The following METTL22 variants were observed in gnomAD, a reference collection of about 807,000 sequenced individuals.
METTL22 encodes the protein methyltransferase-like protein 22.
METTL22 carries 51 observed loss-of-function variants against 48.4 expected under a neutral mutation model. The observed-to-expected ratio is 1.05, with a 90% CI of 0.84 to 1.33. The LOEUF (loss-of-function observed/expected upper bound fraction) is 1.33, where lower values mean the gene tolerates loss of function less well. Among genes scored for constraint, METTL22 ranks in the 40% most tolerant of loss-of-function variants. METTL22 has a pLI of 0.00. For missense variants in METTL22, 678 were observed against 526.9 expected (o/e 1.29, Z -2.81); for synonymous variants, 255 against 214.1 (o/e 1.19, Z -1.67).
chr16:8,634,165 G>T (rs1164725250), intron 3 of METTL22, among the ~76,000 whole-genome samples: 1 of 152,182 alleles, frequency 6.6e-6, no homozygotes, highest in Non-Finnish European at 1.5e-5. Flanking sequence ...CTGCCCATAG[G>T]GCTGAAATCT....
rs1365247808 is a variant in METTL22, at chr16:8,621,699, G to A, written c.-247G>A. ...GCGGGGGCGGGGCCGCGCCTGCGCA[G>A]ACCGCCTGTTATGGCGGCCGCCTAA... On this transcript the variant is annotated 5_prime_UTR_variant, in exon 1 of 11. Transcript: ENST00000381920. 5 of 152,384 alleles carry A rather than the reference G, an allele frequency of 3.3e-5. No individual in the cohort carries two copies. Among genetic ancestry groups the A allele is most frequent in the East Asian group, 3.9e-4 (2 of 5,174 alleles). The allele number at this position is 152,384 out of a possible 1,614,324, so 9.4% of individuals were successfully genotyped here.
At chr16:8,656,962 C>T in the METTL22 span, among the ~76,000 whole-genome samples, 1 of 152,164 alleles carries the variant, frequency 6.6e-6, no homozygotes, top group Non-Finnish European at 1.5e-5. Context: ...TATAAGGAAC[C>T]CACTCCCGAG....
rs1315701909 is a variant in METTL22 at position 8,641,112 on chromosome 16, T to C, written c.773-19T>C. On this transcript the variant is annotated intron_variant, in intron 6 of 10. Transcript: ENST00000381920. ...GATGTTTAGAGTTTGGAAAGTTCTC[T>C]TTTTGTTTGTTTTTACAGGTGGTAT... The C allele has an allele frequency of 4.3e-6, 7 of 1,613,174 alleles. No individual in the cohort carries two copies. Among genetic ancestry groups the C allele is most frequent in the Admixed American group, 1.7e-5 (1 of 59,994 alleles).
chr16:8,643,478 G>A (rs1442178803), intron 9 of METTL22, among the ~76,000 whole-genome samples: 1 of 152,252 alleles, frequency 6.6e-6, no homozygotes, highest in African/African-American at 2.4e-5. Flanking sequence ...CAGCTTCACA[G>A]AGGAAATGGG....
chr16:8,651,386 C>CAAAAAAAAAAAAA (rs768911703), downstream of METTL22, among the ~76,000 whole-genome samples: 1,173 of 48,944 alleles, frequency 0.024, 269 homozygotes, highest in African/African-American at 0.081. Flanking sequence ...GACTCTGTCT[C>CAAAAAAAAAAAAA]AAAAAAAAAA....
chr16:8,628,037 CA>C (rs2056120865), intron 2 of METTL22, among the ~76,000 whole-genome samples: 1 of 152,124 alleles, frequency 6.6e-6, no homozygotes, highest in African/African-American at 2.4e-5. Flanking sequence ...CATGCCCAGC[CA>C]AAAAACTTTT....
At position 8,643,148 on chromosome 16, in the gene METTL22, A is replaced by G. The variant is rs1596365556; in HGVS notation, c.1010+583A>G. Among the ~76,000 whole-genome samples, 7 of 152,346 alleles carry G rather than the reference A, an allele frequency of 4.6e-5. No homozygotes were observed. The South Asian group carries it at 1.4e-3, about 32-fold the overall frequency. On this transcript the variant is annotated intron_variant, in intron 9 of 10. Transcript: ENST00000381920. ...TGAAGATCGTTCGGAATCCACAGCA[A>G]AAGCTGTAAAACGAAACAGACTTCT...
the METTL22 span, among the ~76,000 whole-genome samples, chr16:8,657,222 A>G: frequency 1.3e-5 from 2 of 152,202 alleles, no homozygotes; most frequent in Admixed American, 1.3e-4. Context: ...TCACCCTCCA[A>G]GCTAGTCCAG....
chr16:8,635,716 AC>A (rs2056403401), intron 5 of METTL22, among the ~76,000 whole-genome samples: 1 of 152,234 alleles, frequency 6.6e-6, no homozygotes. Flanking sequence ...GGTTTTTAAA[AC>A]AGTACATAAA....
intron 5 of METTL22, among the ~76,000 whole-genome samples, chr16:8,635,923 T>G (rs552392432): frequency 1.3e-5 from 2 of 152,250 alleles, no homozygotes; most frequent in Non-Finnish European, 2.9e-5. Context: ...AGCACTGTAT[T>G]CTGCTGAAAA....
chr16:8,667,231 A>T, the METTL22 span: 4 of 151,868 alleles, frequency 2.6e-5, no homozygotes, highest in African/African-American at 4.8e-5. Flanking sequence ...CAAAATTTTT[A>T]TGTTAATAAA....
chr16:8,664,132 G>A, the METTL22 span, among the ~76,000 whole-genome samples: 10 of 151,174 alleles, frequency 6.6e-5, no homozygotes, highest in Non-Finnish European at 1.3e-4. Context: ...CTGTTTCCCA[G>A]GCTGAAGTGC....
chr16:8,628,030 G>C (rs2056120082), intron 2 of METTL22, among the ~76,000 whole-genome samples: 1 of 152,146 alleles, frequency 6.6e-6, no homozygotes, highest in Admixed American at 6.5e-5. Flanking sequence ...AAGCCACCAT[G>C]CCCAGCCAAA....
rs2056848197 is a variant in METTL22 at position 8,648,796 on chromosome 16, AGAAAAG to A, written c.*2654_*2659del. 1 of 152,058 alleles carries A rather than the reference AGAAAAG, an allele frequency of 6.6e-6. No homozygotes were observed. Among genetic ancestry groups the A allele is most frequent in the Admixed American group, 6.5e-5 (1 of 15,276 alleles). 9.4% of individuals were successfully genotyped at this position (152,058 alleles called of 1,614,324 possible). On this transcript the variant is annotated 3_prime_UTR_variant, in exon 11 of 11. Coordinates refer to ENST00000381920, the MANE Select transcript of METTL22 (RefSeq NM_024109.4). Reference sequence around the variant, plus strand: ...AGAGAGATCCTGTCTCCAAAAAAGAAGAAAAGTATCAAGCCTCAGCTCAGGACGTGA... The same window carrying A: ...AGAGAGATCCTGTCTCCAAAAAAGAATATCAAGCCTCAGCTCAGGACGTGA...
chr16:8,646,014 A>T, intron 10 of METTL22, 94 bp from the exon 11 acceptor site: 12 of 1,577,684 alleles, frequency 7.6e-6, no homozygotes, highest in African/African-American at 2.7e-5. Context: ...CGTGTTGTCT[A>T]ACTACTCTCC....
At chr16:8,621,899 CTT>C (rs556203687) in intron 1 of METTL22, 124 bp downstream of exon 1, 72 of 152,442 alleles carry the variant, frequency 4.7e-4, no homozygotes, top group African/African-American at 1.6e-3. Flanking sequence ...CGACCCCACT[CTT>C]AGCGTCAGTT....
the METTL22 span, among the ~76,000 whole-genome samples, chr16:8,659,548 C>A: frequency 6.6e-6 from 1 of 152,094 alleles, no homozygotes; most frequent in Non-Finnish European, 1.5e-5. Context: ...ACGAAGCCTA[C>A]ATTCTAGAGG....
chr16:8,653,704 A>C (rs2056928799), downstream of METTL22, among the ~76,000 whole-genome samples: 2 of 152,144 alleles, frequency 1.3e-5, no homozygotes, highest in Non-Finnish European at 1.5e-5. Context: ...TTAAAATCCA[A>C]CTTTATTCTA....
In METTL22 at chr16:8,641,587, T is replaced by G. The variant is rs1254318253; in HGVS notation, c.826+403T>G. The G allele has an allele frequency of 8.8e-6, 4 of 456,750 alleles. No individual in the cohort carries two copies. The East Asian group carries it at 1.9e-4, about 22-fold the overall frequency. The allele number at this position is 456,750 out of a possible 1,614,324, so 28.3% of individuals were successfully genotyped here. On this transcript the variant is annotated intron_variant, in intron 7 of 10. Transcript: ENST00000381920. The stretch of plus-strand genomic sequence containing the variant: ...CCCCCGGGTAGGACAGTTTCCATAT[T>G]TCTTACACAGACTACTTCAGACCTG...
Sources: allele counts gnomAD v4.1 joint callset (sites outside exome capture counted in the v4.1 genomes callset), GRCh38; gene constraint gnomAD v4.1.1; transcripts MANE v1.5; gene names NCBI Gene and HGNC (gene_info 2026-07-23, HGNC 2026-07-21).